The following PSKH1 variants were observed in gnomAD, a reference collection of about 807,000 sequenced individuals.
PSKH1 encodes the protein serine/threonine-protein kinase H1.
Under a neutral mutation model 26.7 loss-of-function variants are expected in PSKH1, and 12 were observed. That is an observed-to-expected ratio of 0.45 (90% CI 0.29 to 0.73). The LOEUF (loss-of-function observed/expected upper bound fraction) is 0.73, where lower values mean the gene tolerates loss of function less well. Ranked by LOEUF, PSKH1 falls within the 30% of genes least tolerant of loss-of-function variation. The pLI is 0.11. For missense variants in PSKH1, 431 were observed against 595.2 expected (o/e 0.72, Z 2.87); for synonymous variants, 213 against 234.3 (o/e 0.91, Z 0.83).
chr16:67,917,844 G>A (rs1038246254), intron 2 of PSKH1, among the ~76,000 whole-genome samples: 1 of 152,188 alleles, frequency 6.6e-6, no homozygotes, highest in African/African-American at 2.4e-5. Context: ...ATGCTGAGGA[G>A]GAGATGACTG....
chr16:67,926,914 A>C (rs961001131), intron 2 of PSKH1, among the ~76,000 whole-genome samples: 1 of 152,108 alleles, frequency 6.6e-6, no homozygotes, highest in African/African-American at 2.4e-5. Flanking sequence ...GTTCCCCTTT[A>C]AGTAGCCTGA....
At chr16:67,921,539 C>T (rs2058202592) in intron 2 of PSKH1, among the ~76,000 whole-genome samples, 1 of 152,006 alleles carries the variant, frequency 6.6e-6, no homozygotes, top group Non-Finnish European at 1.5e-5. Flanking sequence ...GCACATCGCG[C>T]CACTGCACTC....
chr16:67,901,056 G>A (rs1255139248), intron 1 of PSKH1, among the ~76,000 whole-genome samples: 1 of 152,128 alleles, frequency 6.6e-6, no homozygotes, highest in Non-Finnish European at 1.5e-5. Flanking sequence ...GGACTGTGGA[G>A]CAGCTGTGAT....
chr16:67,911,243 A>G (rs956248351), intron 2 of PSKH1, among the ~76,000 whole-genome samples: 1 of 152,134 alleles, frequency 6.6e-6, no homozygotes, highest in Non-Finnish European at 1.5e-5. Flanking sequence ...TCAGATATGG[A>G]CCTGCTGAGG....
intron 1 of PSKH1, among the ~76,000 whole-genome samples, chr16:67,896,899 G>A (rs543266659): frequency 3.3e-5 from 5 of 152,276 alleles, no homozygotes; most frequent in African/African-American, 9.6e-5. Flanking sequence ...GCATCTGGTT[G>A]GCATCTAGAA....
At chr16:67,905,965 A>T (rs1282355021) in intron 1 of PSKH1, among the ~76,000 whole-genome samples, 2 of 152,042 alleles carry the variant, frequency 1.3e-5, no homozygotes, top group Non-Finnish European at 2.9e-5. Context: ...AATATAACCT[A>T]CCTTGGACCA....
chr16:67,893,277 T>TGGCGGCGGCGGCGGCGGCGGCGGCGGC lies in PSKH1; in HGVS notation c.-164_-138dup, dbSNP rs527336120. Reference sequence around the variant, plus strand: ...ACGCCACGACGCTAACGCCCGAGAATGGCGGCGGCGGCGGCGGCGGCGGCG... The same window carrying TGGCGGCGGCGGCGGCGGCGGCGGCGGC: ...ACGCCACGACGCTAACGCCCGAGAATGGCGGCGGCGGCGGCGGCGGCGGCGGCGGCGGCGGCGGCGGCGGCGGCGGCG... On this transcript the variant is annotated 5_prime_UTR_variant, in exon 1 of 3. Coordinates refer to ENST00000291041, the MANE Select transcript of PSKH1 (RefSeq NM_006742.3). 1 of 158,744 alleles carries TGGCGGCGGCGGCGGCGGCGGCGGCGGC rather than the reference T, an allele frequency of 6.3e-6. No homozygotes were observed. The highest frequency in any genetic ancestry group is 2.5e-5 in the African/African-American group (1 of 40,690). 9.8% of individuals were successfully genotyped at this position (158,744 alleles called of 1,614,324 possible).
chr16:67,927,278 G>A lies in PSKH1; in HGVS notation c.958-47G>A, dbSNP rs2058219820. On this transcript the variant is annotated intron_variant, in intron 2 of 2. Transcript: ENST00000291041. The surrounding 1 kb of genome is among the most constrained non-coding windows in gnomAD (Gnocchi z 5.5). ...AGTAGTGGCCTCATCCAGATGGGGTGGGCAGTGTCAGATGCTCTCACTCTA... is the reference window on the plus strand; with the variant it reads ...AGTAGTGGCCTCATCCAGATGGGGTAGGCAGTGTCAGATGCTCTCACTCTA... 6.5e-7 allele frequency: 1 copy of A among 1,533,750 alleles called. No homozygotes were observed. The highest frequency in any genetic ancestry group is 8.9e-7 in the Non-Finnish European group (1 of 1,127,170).
chr16:67,920,659 A>G (rs575184677), intron 2 of PSKH1, among the ~76,000 whole-genome samples: 7 of 152,288 alleles, frequency 4.6e-5, no homozygotes, highest in African/African-American at 1.7e-4. Context: ...GCTGATGGTG[A>G]CCTGGTCCAG....
At position 67,909,791 on chromosome 16, in the gene PSKH1, T is replaced by G; in HGVS notation, c.957+85T>G. 82 of 1,257,784 alleles carry G rather than the reference T, an allele frequency of 6.5e-5. No individual in the cohort carries two copies. Among genetic ancestry groups the G allele is most frequent in the Non-Finnish European group, 8.0e-5 (72 of 898,162 alleles). 77.9% of individuals were successfully genotyped at this position (1,257,784 alleles called of 1,614,324 possible). On this transcript the variant is annotated intron_variant, in intron 2 of 2. Coordinates refer to ENST00000291041, the MANE Select transcript of PSKH1 (RefSeq NM_006742.3). This position sits in a 1 kb window ranked among gnomAD's most constrained non-coding sequence, Gnocchi z 7.8. ...CCTGCAGCTCTCAGTCAGAGGTATG[T>G]CCTCAGGGCCATGCTCGTGAGGGCC...
chr16:67,919,628 C>T (rs937558024), intron 2 of PSKH1, among the ~76,000 whole-genome samples: 9 of 152,250 alleles, frequency 5.9e-5, no homozygotes, highest in Non-Finnish European at 1.2e-4. Flanking sequence ...CCAATGCCCT[C>T]AGGCTGGATT....
In PSKH1 at chr16:67,914,579, C is replaced by T. The variant is rs78674666; in HGVS notation, c.957+4873C>T. ...CAGCGATTCTCCTGCCTCAGCCTCC[C>T]GAGTAGCTGGGATTACAGGAGTGTG... On this transcript the variant is annotated intron_variant, in intron 2 of 2. Transcript: ENST00000291041. Among the ~76,000 whole-genome samples the T allele has an allele frequency of 0.01, 1,524 of 152,156 alleles. 146 individuals carry two copies. The East Asian group carries it at 0.24, about 24-fold the overall frequency.
intron 2 of PSKH1, among the ~76,000 whole-genome samples, chr16:67,925,855 C>G (rs2058214752): frequency 6.6e-6 from 1 of 152,130 alleles, no homozygotes; most frequent in Non-Finnish European, 1.5e-5. Context: ...TTCTCCCTGC[C>G]TCATCCCTCT....
intron 1 of PSKH1, among the ~76,000 whole-genome samples, chr16:67,895,673 C>T (rs2058124440): frequency 6.6e-6 from 1 of 152,182 alleles, no homozygotes; most frequent in Non-Finnish European, 1.5e-5. Context: ...TCCCAAAGTG[C>T]TGGGATTACA....
chr16:67,909,345 T>C lies in PSKH1; in HGVS notation c.596T>C (p.Leu199Pro). Residue 199 changes from leucine (L) to proline (P), a missense_variant, in exon 2 of 3, where the codon CTG (leucine) becomes CCG (proline). Transcript: ENST00000291041. This position sits in a 1 kb window ranked among gnomAD's most constrained non-coding sequence, Gnocchi z 7.8. Reference sequence around the variant, plus strand: ...ACCGAGCGTGACGCCACGCGGGTGCTGCAGATGGTGCTGGATGGCGTCCGG... The same window carrying C: ...ACCGAGCGTGACGCCACGCGGGTGCCGCAGATGGTGCTGGATGGCGTCCGG... ...SFTERDATRV[L>P]QMVLDGVRYL... 1 of 1,614,136 alleles carries C rather than the reference T, an allele frequency of 6.2e-7. No individual in the cohort carries two copies. The highest frequency in any genetic ancestry group is 8.5e-7 in the Non-Finnish European group (1 of 1,180,036).
chr16:67,893,304 C>CGGG lies in PSKH1; in HGVS notation c.-138_-137insGGG. 1 of 165,074 alleles carries CGGG rather than the reference C, an allele frequency of 6.1e-6. No individual in the cohort carries two copies. The highest frequency in any genetic ancestry group is 1.6e-4 in the South Asian group (1 of 6,436). The allele number at this position is 165,074 out of a possible 1,614,324, so 10.2% of individuals were successfully genotyped here. A position where few individuals can be genotyped will look rare whatever the true frequency, so the allele number is the denominator to read the frequency against. On this transcript the variant is annotated 5_prime_UTR_variant, in exon 1 of 3. Coordinates refer to ENST00000291041, the MANE Select transcript of PSKH1 (RefSeq NM_006742.3). ...GCGGCGGCGGCGGCGGCGGCGGCGGCCGCTGCCATTGCCCGGAGATGGCCG... is the reference window on the plus strand; with the variant it reads ...GCGGCGGCGGCGGCGGCGGCGGCGGCGGGCGCTGCCATTGCCCGGAGATGGCCG...
At chr16:67,895,567 C>T (rs1039895847) in intron 1 of PSKH1, among the ~76,000 whole-genome samples, 12 of 152,192 alleles carry the variant, frequency 7.9e-5, no homozygotes, top group African/African-American at 2.6e-4. Flanking sequence ...CATCACCACG[C>T]CCAGCTAATT....
Position 67,909,422 on chromosome 16 carries a change from C to T in PSKH1, c.673C>T (p.Leu225Phe), listed in dbSNP as rs1289006170. ...THRDLKPENL[L>F]YYHPGTDSKI... ...CCGAGACCTCAAACCTGAGAATCTG[C>T]TCTACTACCATCCGGGCACTGACTC... The change falls in exon 2 of 3, where the codon CTC becomes TTC. Residue 225 changes from leucine to phenylalanine, a missense_variant. Coordinates refer to ENST00000291041, the MANE Select transcript of PSKH1 (RefSeq NM_006742.3). This position sits in a 1 kb window ranked among gnomAD's most constrained non-coding sequence, Gnocchi z 7.8. The T allele has an allele frequency of 6.2e-7, 1 of 1,613,544 alleles. No homozygotes were observed. Among genetic ancestry groups the T allele is most frequent in the Non-Finnish European group, 8.5e-7 (1 of 1,180,044 alleles).
chr16:67,909,118 G>C lies in PSKH1; in HGVS notation c.369G>C (p.Pro123=). 6.2e-7 allele frequency: 1 copy of C among 1,613,726 alleles called. No individual in the cohort carries two copies. Among genetic ancestry groups the C allele is most frequent in the South Asian group, 1.1e-5 (1 of 91,056 alleles). Reference sequence around the variant, plus strand: ...TAGAGCACCGGGCAACCCGGCAGCCGTATGCCATCAAGATGATTGAGACCA... The same window carrying C: ...TAGAGCACCGGGCAACCCGGCAGCCCTATGCCATCAAGATGATTGAGACCA... ...VRVEHRATRQ[P]YAIKMIETKY... The change falls in exon 2 of 3, where the codon CCG becomes CCC. Residue 123 remains proline, a synonymous_variant. Coordinates refer to ENST00000291041, the MANE Select transcript of PSKH1 (RefSeq NM_006742.3). The surrounding 1 kb of genome is among the most constrained non-coding windows in gnomAD (Gnocchi z 7.8).
Sources: allele counts gnomAD v4.1 joint callset (sites outside exome capture counted in the v4.1 genomes callset), GRCh38; gene constraint gnomAD v4.1.1; non-coding constraint Gnocchi (gnomAD v3.1); transcripts MANE v1.5; gene names NCBI Gene and HGNC (gene_info 2026-07-23, HGNC 2026-07-21).